Variants in PDE4D observed in about 807,000 individuals in gnomAD.
PDE4D encodes the protein 3',5'-cyclic-AMP phosphodiesterase 4D.
Under a neutral mutation model 87.4 loss-of-function variants are expected in PDE4D, and 24 were observed. That is an observed-to-expected ratio of 0.27 (90% CI 0.20 to 0.39). PDE4D has a LOEUF of 0.39. Among genes scored for constraint, PDE4D ranks in the 10% least tolerant of loss-of-function variants. The pLI is 1.00. For missense variants in PDE4D, 714 were observed against 1,041.0 expected, an observed-to-expected ratio of 0.69 and a Z score of 4.32; for synonymous variants, 384 against 383.2, an observed-to-expected ratio of 1.00 and a Z score of -0.02.
chr5:60,417,040 A>T (rs1742662465), intron 1 of PDE4D, among the ~76,000 whole-genome samples: 2 of 152,234 alleles, frequency 1.3e-5, no homozygotes, highest in Admixed American at 1.3e-4. Flanking sequence ...CCTGAAGTAG[A>T]TGTCCAGACT....
At chr5:60,377,163 A>G (rs1248071969) in intron 1 of PDE4D, among the ~76,000 whole-genome samples, 1 of 152,174 alleles carries the variant, frequency 6.6e-6, no homozygotes, top group Non-Finnish European at 1.5e-5. Context: ...ATTCCTCACA[A>G]TACAGTTTAT....
intron 1 of PDE4D, among the ~76,000 whole-genome samples, chr5:59,263,267 C>T (rs1762325322): frequency 2.0e-5 from 3 of 151,956 alleles, no homozygotes; most frequent in Non-Finnish European, 4.4e-5. Flanking sequence ...GGGTTCATTG[C>T]TCTACAAAGA....
chr5:59,804,196 C>T (rs1393501608), intron 1 of PDE4D, among the ~76,000 whole-genome samples: 6 of 152,184 alleles, frequency 3.9e-5, no homozygotes, highest in African/African-American at 2.4e-5. Flanking sequence ...TCTCCCCCAT[C>T]CCCAAAGTCC....
intron 1 of PDE4D, among the ~76,000 whole-genome samples, chr5:60,455,398 G>A (rs1260768589): frequency 6.6e-6 from 1 of 151,986 alleles, no homozygotes; most frequent in Non-Finnish European, 1.5e-5. Flanking sequence ...AGAGAAGAAG[G>A]AAAATGAGAG....
intron 1 of PDE4D, among the ~76,000 whole-genome samples, chr5:60,428,914 C>T (rs1298467930): frequency 2.0e-5 from 3 of 152,166 alleles, no homozygotes; most frequent in Non-Finnish European, 2.9e-5. Context: ...AGACAGACTT[C>T]GGTCCAAAGT....
At chr5:59,980,254 T>A (rs551987959) in intron 3 of PDE4D, among the ~76,000 whole-genome samples, 1 of 152,342 alleles carries the variant, frequency 6.6e-6, no homozygotes. Flanking sequence ...CAGTGTTTGT[T>A]GCAAAGAAAC....
At chr5:59,084,314 T>C (rs1258591265) in intron 5 of PDE4D, among the ~76,000 whole-genome samples, 2 of 151,610 alleles carry the variant, frequency 1.3e-5, no homozygotes, top group African/African-American at 2.4e-5. Context: ...TAAAATAAAT[T>C]CCATAATTAT....
intron 6 of PDE4D, among the ~76,000 whole-genome samples, chr5:58,995,065 A>G (rs1748901071): frequency 6.6e-6 from 1 of 152,080 alleles, no homozygotes; most frequent in Admixed American, 6.6e-5. Flanking sequence ...AAACAAAAAA[A>G]CAAAGAACTG....
At chr5:59,536,365 C>A (rs1271286479) in intron 1 of PDE4D, among the ~76,000 whole-genome samples, 1 of 151,506 alleles carries the variant, frequency 6.6e-6, no homozygotes, top group African/African-American at 2.4e-5. Flanking sequence ...ATTAGCCAGG[C>A]GTGGTGGCAG....
intron 1 of PDE4D, among the ~76,000 whole-genome samples, chr5:59,875,730 T>C (rs191249707): frequency 5.9e-5 from 9 of 152,248 alleles, no homozygotes; most frequent in Admixed American, 4.6e-4. Context: ...AAATCTGATA[T>C]ATTGAAAGAA....
Position 59,445,679 on chromosome 5 carries a change from A to C in PDE4D, c.456-229711T>G, listed in dbSNP as rs113901174. Among the ~76,000 whole-genome samples, 11 of 152,340 alleles carry C rather than the reference A, an allele frequency of 7.2e-5. 2 individuals are homozygous for C. The highest frequency in any genetic ancestry group is 2.6e-4 in the African/African-American group (11 of 41,588). On this transcript the variant is annotated intron_variant, in intron 1 of 14. Transcript: ENST00000340635. ...GTAAGCATAGTTTAAATCCAGTCTT[A>C]ATCAAATGCTTCAGATTAGCAGAAA...
In PDE4D at chr5:59,965,389, A is replaced by T. The variant is rs188756519; in HGVS notation, c.272+23099T>A. ...CCTCTAATCCTTTATTCAAAGTTAC[A>T]TTCTCAGTGAGATCTTCCATGGTTA... On this transcript the variant is annotated intron_variant, in intron 3 of 16. Transcript: ENST00000502484. 6.4e-3 allele frequency among the ~76,000 whole-genome samples: 972 copies of T among 152,274 alleles called. 11 individuals are homozygous for T. The highest frequency in any genetic ancestry group is 0.022 in the African/African-American group (921 of 41,554).
chr5:59,772,623 G>C (rs560386749), intron 1 of PDE4D, among the ~76,000 whole-genome samples: 1 of 152,288 alleles, frequency 6.6e-6, no homozygotes, highest in Admixed American at 6.5e-5. Flanking sequence ...AACAAGCAAG[G>C]CTAGATTTCC....
intron 1 of PDE4D, among the ~76,000 whole-genome samples, chr5:60,342,055 T>A (rs1398500682): frequency 6.6e-6 from 1 of 152,208 alleles, no homozygotes; most frequent in Middle Eastern, 3.2e-3. Flanking sequence ...AGGACGAATG[T>A]CATTTTCAAT....
At chr5:59,893,892 G>T, upstream of PDE4D, 1 of 1,103,552 alleles carries the variant, frequency 9.1e-7, no homozygotes, top group Non-Finnish European at 1.2e-6. Flanking sequence ...ACCAAGACTA[G>T]GGTGCGCGGT....
At chr5:59,262,719 G>A (rs1461607368) in intron 1 of PDE4D, among the ~76,000 whole-genome samples, 1 of 151,912 alleles carries the variant, frequency 6.6e-6, no homozygotes, top group African/African-American at 2.4e-5. Context: ...TGAGCCTGAA[G>A]TGGTGGTCTT....
intron 1 of PDE4D, among the ~76,000 whole-genome samples, chr5:60,291,550 G>A (rs1752899507): frequency 6.6e-6 from 1 of 151,846 alleles, no homozygotes; most frequent in Non-Finnish European, 1.5e-5. Context: ...TTTTAGAGAA[G>A]AGATGATGCT....
At chr5:59,903,336 A>G (rs143222750) in intron 3 of PDE4D, among the ~76,000 whole-genome samples, 19 of 152,236 alleles carry the variant, frequency 1.2e-4, no homozygotes, top group Non-Finnish European at 1.8e-4. Flanking sequence ...TTTAAAATAG[A>G]AGATGGGGAG....
chr5:59,856,520 A>C (rs2152723765), intron 1 of PDE4D, among the ~76,000 whole-genome samples: 1 of 152,318 alleles, frequency 6.6e-6, no homozygotes, highest in South Asian at 2.1e-4. Context: ...AGAATACGGG[A>C]AAATACACAG....
Sources: allele counts gnomAD v4.1 joint callset (sites outside exome capture counted in the v4.1 genomes callset), GRCh38; gene constraint gnomAD v4.1.1; transcripts MANE v1.5; gene names NCBI Gene and HGNC (gene_info 2026-07-23, HGNC 2026-07-21).